The following INPP5F variants were observed in gnomAD, a reference collection of about 807,000 sequenced individuals.
The protein encoded by INPP5F is phosphatidylinositide 4-phosphatase SAC2.
A neutral mutation model predicts 137.2 loss-of-function variants in INPP5F; 97 were observed. The ratio of observed to expected loss-of-function variants is 0.71; its 90% CI spans 0.60 to 0.84. The LOEUF (loss-of-function observed/expected upper bound fraction) is 0.84, where lower values mean the gene tolerates loss of function less well. Among genes scored for constraint, INPP5F ranks in the 40% least tolerant of loss-of-function variants. INPP5F has a pLI of 0.00. For missense variants in INPP5F, 1,271 were observed against 1,371.9 expected, an observed-to-expected ratio of 0.93 and a Z score of 1.16; for synonymous variants, 504 against 476.9, an observed-to-expected ratio of 1.06 and a Z score of -0.74.
intron 1 of INPP5F, among the ~76,000 whole-genome samples, chr10:119,731,817 T>C (rs911804452): frequency 3.9e-5 from 6 of 152,218 alleles, no homozygotes; most frequent in Admixed American, 6.5e-5. Flanking sequence ...GTCTTCAGTT[T>C]TTATAATGGG....
At chr10:119,771,606 T>A in intron 2 of INPP5F, among the ~76,000 whole-genome samples, 1 of 151,806 alleles carries the variant, frequency 6.6e-6, no homozygotes. Context: ...TTATTATGCT[T>A]ATAGTCTTCA....
chr10:119,730,405 C>G (rs758004120), intron 1 of INPP5F, among the ~76,000 whole-genome samples: 1 of 152,052 alleles, frequency 6.6e-6, no homozygotes, highest in African/African-American at 2.4e-5. Flanking sequence ...CCACCGCGCC[C>G]GGCCTGGTTA....
chr10:119,786,786 T>G (rs1228832761), intron 3 of INPP5F, among the ~76,000 whole-genome samples: 1 of 152,144 alleles, frequency 6.6e-6, no homozygotes, highest in East Asian at 1.9e-4. Flanking sequence ...CCCAAAGTGC[T>G]GGGGATTATA....
Position 119,751,765 on chromosome 10 carries a change from T to G in INPP5F, c.178+609T>G, listed in dbSNP as rs140041518. ...TAACTGAAAGGGGCCAAATGAAATTTTATTTTTTCTTTTTTGGTGCCTTAC... is the reference window on the plus strand; with the variant it reads ...TAACTGAAAGGGGCCAAATGAAATTGTATTTTTTCTTTTTTGGTGCCTTAC... On this transcript the variant is annotated intron_variant, in intron 2 of 19. Transcript: ENST00000650623. Among the ~76,000 whole-genome samples, 293 of 152,308 alleles carry G rather than the reference T, an allele frequency of 1.9e-3. 1 individual carries two copies. The highest frequency in any genetic ancestry group is 6.8e-3 in the African/African-American group (281 of 41,554).
chr10:119,798,497 C>A, intron 8 of INPP5F, 46 bp from the exon 9 acceptor site: 3 of 1,411,562 alleles, frequency 2.1e-6, no homozygotes, highest in South Asian at 1.2e-5. Flanking sequence ...ACTAATATGT[C>A]TTAAACATGG....
At chr10:119,726,508 T>G in intron 1 of INPP5F, 149 bp downstream of exon 1, 2 of 311,290 alleles carry the variant, frequency 6.4e-6, no homozygotes, top group African/African-American at 2.2e-5. Flanking sequence ...GCTGTCATTA[T>G]TCCCTGACTG....
Position 119,798,589 on chromosome 10 carries a change from A to G in INPP5F, c.1095A>G (p.Gln365=), listed in dbSNP as rs779276541. The stretch of plus-strand genomic sequence containing the variant: ...ATTTCTGTGCCCATTTCGAAGAACA[A>G]CTGAACATTTACAAAAAACAGGTGG... ...VAYFCAHFEE[Q]LNIYKKQVII... Residue 365 remains glutamine (Q), a synonymous_variant, in exon 9 of 20, where the codon CAA becomes CAG. Transcript: ENST00000650623. 1 of 1,612,224 alleles carries G rather than the reference A, an allele frequency of 6.2e-7. No individual in the cohort carries two copies. Among genetic ancestry groups the G allele is most frequent in the Non-Finnish European group, 8.5e-7 (1 of 1,178,900 alleles).
chr10:119,804,330 A>G (rs765984713), intron 10 of INPP5F, 33 bp downstream of exon 10: 22 of 1,555,292 alleles, frequency 1.4e-5, no homozygotes, highest in East Asian at 1.4e-4. Context: ...GTGTTGATCA[A>G]TTGCAGTGTT....
In INPP5F at chr10:119,742,401, C is replaced by G. The variant is rs1157073954; in HGVS notation, c.98-8675C>G. On this transcript the variant is annotated intron_variant, in intron 1 of 19. Transcript: ENST00000650623. Reference sequence around the variant, plus strand: ...TTGAACTCCTGACCTCGTGATCCACCTGCCTTGGCCTCCCAAAGTGCTGGC... The same window carrying G: ...TTGAACTCCTGACCTCGTGATCCACGTGCCTTGGCCTCCCAAAGTGCTGGC... 5.9e-5 allele frequency among the ~76,000 whole-genome samples: 9 copies of G among 152,204 alleles called. No homozygotes were observed. In the East Asian group the frequency reaches 1.2e-3, roughly 20 times the overall value.
chr10:119,757,884 C>A (rs981142855), intron 2 of INPP5F, among the ~76,000 whole-genome samples: 1 of 152,068 alleles, frequency 6.6e-6, no homozygotes, highest in African/African-American at 2.4e-5. Flanking sequence ...ATGGAAATAA[C>A]CTCCAAGAAG....
intron 11 of INPP5F, 150 bp downstream of exon 11, chr10:119,805,611 G>A: frequency 1.6e-6 from 1 of 636,170 alleles, no homozygotes; most frequent in Non-Finnish European, 2.8e-6. Context: ...GAATGTTGCT[G>A]ACCCTTAGGC....
chr10:119,738,066 TACCAGG>T (rs1848266235), intron 1 of INPP5F, among the ~76,000 whole-genome samples: 1 of 152,214 alleles, frequency 6.6e-6, no homozygotes, highest in African/African-American at 2.4e-5. Context: ...GTTTTCTGTG[TACCAGG>T]AAGAGGAGGG....
intron 9 of INPP5F, among the ~76,000 whole-genome samples, chr10:119,803,530 A>G (rs767011665): frequency 6.6e-6 from 1 of 152,218 alleles, no homozygotes; most frequent in Non-Finnish European, 1.5e-5. Flanking sequence ...TTTAATTGCT[A>G]CAGATTTAGA....
chr10:119,800,882 G>A (rs565711021), intron 9 of INPP5F, among the ~76,000 whole-genome samples: 11 of 150,750 alleles, frequency 7.3e-5, no homozygotes, highest in South Asian at 2.1e-4. Flanking sequence ...CCCAGGAAGC[G>A]GAGGTTGCAG....
At position 119,817,095 on chromosome 10, in the gene INPP5F, G is replaced by A. The variant is rs548550524; in HGVS notation, c.1887-3751G>A. Reference sequence around the variant, plus strand: ...TCATTCAAGTGGAATAATATAATACGTGGCCTTTTGTGACTGGCTGCTTTC... The same window carrying A: ...TCATTCAAGTGGAATAATATAATACATGGCCTTTTGTGACTGGCTGCTTTC... On this transcript the variant is annotated intron_variant, in intron 15 of 19. Coordinates refer to ENST00000650623, the MANE Select transcript of INPP5F (RefSeq NM_014937.4). Among the ~76,000 whole-genome samples, 9 of 152,254 alleles carry A rather than the reference G, an allele frequency of 5.9e-5. No homozygotes were observed. In the South Asian group the frequency reaches 1.5e-3, roughly 25 times the overall value.
At position 119,828,019 on chromosome 10, in the gene INPP5F, T is replaced by G; in HGVS notation, c.*239T>G. 2.7e-6 allele frequency: 1 copy of G among 363,904 alleles called. No homozygotes were observed. The highest frequency in any genetic ancestry group is 5.0e-6 in the Non-Finnish European group (1 of 200,962). 22.5% of individuals were successfully genotyped at this position (363,904 alleles called of 1,614,324 possible). ...TATACACTACAGAGCACTTTGCTTA[T>G]TTGAAAGTAATTCAGCAACAGGTCA... On this transcript the variant is annotated 3_prime_UTR_variant, in exon 20 of 20. Transcript: ENST00000650623.
intron 1 of INPP5F, among the ~76,000 whole-genome samples, chr10:119,745,416 T>G (rs1429686117): frequency 6.6e-6 from 1 of 152,002 alleles, no homozygotes; most frequent in East Asian, 1.9e-4. Context: ...CCAAGACTTT[T>G]GCAGTAACCC....
At chr10:119,782,904 A>G (rs1321444529) in intron 3 of INPP5F, among the ~76,000 whole-genome samples, 2 of 152,238 alleles carry the variant, frequency 1.3e-5, no homozygotes, top group African/African-American at 4.8e-5. Context: ...CTTTGGGGAC[A>G]GGGTTAAATT....
chr10:119,744,022 G>A (rs1282731608), intron 1 of INPP5F, among the ~76,000 whole-genome samples: 2 of 152,156 alleles, frequency 1.3e-5, no homozygotes, highest in Admixed American at 1.3e-4. Context: ...TAGCAAGTAC[G>A]TAGAGGGGTT....
Sources: gnomAD v4.1 joint callset for allele counts (sites outside exome capture counted in the v4.1 genomes callset) on GRCh38, gnomAD v4.1.1 for gene constraint, MANE v1.5 for transcripts, NCBI Gene and HGNC (gene_info 2026-07-23, HGNC 2026-07-21) for gene names.